Variants in OPCML observed in about 807,000 individuals in gnomAD.
The protein encoded by OPCML is opioid binding protein/cell adhesion molecule like.
OPCML carries 13 observed loss-of-function variants against 37.8 expected under a neutral mutation model. The ratio of observed to expected loss-of-function variants is 0.34; its 90% CI spans 0.22 to 0.55. OPCML has a LOEUF of 0.55. Among genes scored for constraint, OPCML ranks in the 20% least tolerant of loss-of-function variants. The pLI is 0.91. For synonymous variants in OPCML, 176 were observed against 168.8 expected (o/e 1.04, Z -0.33); for missense variants, 341 against 435.6 (o/e 0.78, Z 1.93).
At position 132,622,418 on chromosome 11, in the gene OPCML, G is replaced by A. The variant is rs1180356071; in HGVS notation, c.379+34669C>T. On this transcript the variant is annotated intron_variant, in intron 3 of 7. Coordinates refer to ENST00000524381, the MANE Select transcript of OPCML (RefSeq NM_001012393.5). ...TGAAGAAGCCAAGAGCACAAAAAAA[G>A]GACTTGAGATGAGAAATAAAAATGG... Among the ~76,000 whole-genome samples the A allele has an allele frequency of 2.0e-5, 3 of 152,156 alleles. No individual in the cohort carries two copies. The East Asian group carries it at 5.8e-4, about 29-fold the overall frequency.
chr11:132,853,099 T>C (rs923191363), intron 2 of OPCML, among the ~76,000 whole-genome samples: 4 of 152,342 alleles, frequency 2.6e-5, no homozygotes, highest in Non-Finnish European at 2.9e-5. Flanking sequence ...TGAATGAAAT[T>C]ATAGTTATTC....
intron 3 of OPCML, among the ~76,000 whole-genome samples, chr11:132,647,902 C>G (rs948314811): frequency 6.6e-6 from 1 of 152,080 alleles, no homozygotes; most frequent in East Asian, 1.9e-4. Flanking sequence ...AATTTCTATG[C>G]CTATAGAGGA....
At chr11:132,935,228 CAGAAATATCTTTG>C (rs1322905946) in intron 2 of OPCML, among the ~76,000 whole-genome samples, 1 of 151,956 alleles carries the variant, frequency 6.6e-6, no homozygotes, top group African/African-American at 2.4e-5. Context: ...AGAGAGCATT[CAGAAATATCTTTG>C]AGAAAATGTT....
intron 1 of OPCML, among the ~76,000 whole-genome samples, chr11:132,987,656 G>T (rs1204219141): frequency 1.3e-5 from 2 of 152,162 alleles, no homozygotes; most frequent in Non-Finnish European, 2.9e-5. Flanking sequence ...GACCAGGATG[G>T]TGCTAGAGCC....
At chr11:133,331,532 T>C (rs1366850523) in intron 1 of OPCML, among the ~76,000 whole-genome samples, 1 of 152,216 alleles carries the variant, frequency 6.6e-6, no homozygotes, top group Non-Finnish European at 1.5e-5. Flanking sequence ...AAAAACACTC[T>C]TTTTTAAAAA....
intron 1 of OPCML, among the ~76,000 whole-genome samples, chr11:133,458,450 A>ATATATACACATATATACACGTGTGTG (rs759954773): frequency 0.017 from 1,480 of 89,294 alleles, 92 homozygotes; most frequent in Non-Finnish European, 0.021. Context: ...GTGTGTGTAT[A>ATATATACACATATATACACGTGTGTG]TATATACACA....
chr11:133,070,648 C>T (rs1262717089), intron 1 of OPCML, among the ~76,000 whole-genome samples: 1 of 152,160 alleles, frequency 6.6e-6, no homozygotes, highest in Non-Finnish European at 1.5e-5. Flanking sequence ...TTTTGGAATG[C>T]ATAAATCCAA....
chr11:133,387,564 G>A (rs1945082855), intron 1 of OPCML, among the ~76,000 whole-genome samples: 1 of 152,316 alleles, frequency 6.6e-6, no homozygotes, highest in African/African-American at 2.4e-5. Flanking sequence ...GTGTAAACTT[G>A]AGAAGTTAAT....
At chr11:132,682,075 C>T (rs1270526990) in intron 2 of OPCML, among the ~76,000 whole-genome samples, 1 of 152,156 alleles carries the variant, frequency 6.6e-6, no homozygotes, top group South Asian at 2.1e-4. Context: ...TCAGGGGACT[C>T]AGGTATCCCC....
At chr11:133,365,011 C>T (rs1398759307) in intron 1 of OPCML, among the ~76,000 whole-genome samples, 1 of 151,264 alleles carries the variant, frequency 6.6e-6, no homozygotes, top group Admixed American at 6.6e-5. Flanking sequence ...CAACATGACT[C>T]TCCCCACTGC....
chr11:132,857,837 C>G lies in OPCML; in HGVS notation c.146+85089G>C, dbSNP rs569351516. Among the ~76,000 whole-genome samples, 10 of 152,214 alleles carry G rather than the reference C, an allele frequency of 6.6e-5. 1 individual carries two copies. In the Middle Eastern group the frequency reaches 0.017, roughly 261 times the overall value. On this transcript the variant is annotated intron_variant, in intron 2 of 7. Coordinates refer to ENST00000524381, the MANE Select transcript of OPCML (RefSeq NM_001012393.5). Reference sequence around the variant, plus strand: ...CATGTGGAAGTATTGCTGCATATCCCTCATGAACAAAAGCTCTTTGGAATC... The same window carrying G: ...CATGTGGAAGTATTGCTGCATATCCGTCATGAACAAAAGCTCTTTGGAATC...
chr11:132,441,170 T>TTTTTTTTTTTTTTTTTTTG (rs1448869073), intron 4 of OPCML, among the ~76,000 whole-genome samples: 1,292 of 113,374 alleles, frequency 0.011, 86 homozygotes, highest in Admixed American at 0.025. Context: ...TTTTTGTTTT[T>TTTTTTTTTTTTTTTTTTTG]TTTTTTTTTT....
chr11:133,511,527 T>C lies in OPCML; in HGVS notation c.61+20737A>G, dbSNP rs1163906131. Among the ~76,000 whole-genome samples the C allele has an allele frequency of 2.0e-5, 3 of 152,210 alleles. No individual in the cohort carries two copies. The East Asian group carries it at 5.8e-4, about 30-fold the overall frequency. On this transcript the variant is annotated intron_variant, in intron 1 of 7. Coordinates refer to ENST00000524381, the MANE Select transcript of OPCML (RefSeq NM_001012393.5). ...TGAATAAGCCAGGCAGATTCACTCA[T>C]GCCCTGAGGTCTTGCACCAGCCAGT...
chr11:132,555,705 T>C (rs1024735296), intron 3 of OPCML, among the ~76,000 whole-genome samples: 1 of 152,128 alleles, frequency 6.6e-6, no homozygotes, highest in African/African-American at 2.4e-5. Flanking sequence ...GAGGATGAGA[T>C]AGTGAGCAAC....
At chr11:132,496,561 A>C (rs376339835) in intron 4 of OPCML, among the ~76,000 whole-genome samples, 1 of 152,246 alleles carries the variant, frequency 6.6e-6, no homozygotes, top group Non-Finnish European at 1.5e-5. Context: ...TTGGTCAGTC[A>C]TGCATGCCCA....
At chr11:133,007,230 C>T (rs1489346412) in intron 1 of OPCML, 2 of 985,422 alleles carry the variant, frequency 2.0e-6, no homozygotes, top group Non-Finnish European at 2.4e-6. Flanking sequence ...TTGCCCCACC[C>T]TCCGTTTATT....
chr11:133,267,512 C>T (rs1422612553), intron 1 of OPCML, among the ~76,000 whole-genome samples: 5 of 152,264 alleles, frequency 3.3e-5, no homozygotes, highest in East Asian at 3.9e-4. Flanking sequence ...TCATAACAGG[C>T]ACTCACTGAA....
At chr11:132,904,097 A>G (rs1383775306) in intron 2 of OPCML, among the ~76,000 whole-genome samples, 3 of 152,190 alleles carry the variant, frequency 2.0e-5, no homozygotes, top group East Asian at 3.9e-4. Flanking sequence ...GATTGGTCCT[A>G]AAGTGTGGGG....
intron 2 of OPCML, among the ~76,000 whole-genome samples, chr11:132,684,593 T>A (rs1943090019): frequency 1.3e-5 from 2 of 152,230 alleles, no homozygotes; most frequent in African/African-American, 4.8e-5. Flanking sequence ...TTCCTAATCC[T>A]GTTATGAAAA....
Sources: gnomAD v4.1 joint callset for allele counts (sites outside exome capture counted in the v4.1 genomes callset) on GRCh38, gnomAD v4.1.1 for gene constraint, MANE v1.5 for transcripts, NCBI Gene and HGNC (gene_info 2026-07-23, HGNC 2026-07-21) for gene names.